Variants in IMPG1 observed in about 807,000 individuals in gnomAD.
IMPG1 encodes the protein interphotoreceptor matrix proteoglycan 1.
A neutral mutation model predicts 92.0 loss-of-function variants in IMPG1; 85 were observed. The observed-to-expected ratio is 0.92, with a 90% CI of 0.78 to 1.11. The LOEUF (loss-of-function observed/expected upper bound fraction) is 1.11. Ranked by LOEUF, IMPG1 falls within the 50% of genes least tolerant of loss-of-function variation. IMPG1 has a pLI of 0.00. For synonymous variants in IMPG1, 367 were observed against 334.1 expected (o/e 1.10, Z -1.08); for missense variants, 1,022 against 956.0 (o/e 1.07, Z -0.91).
At chr6:76,060,132 G>A (rs749800647) in intron 1 of IMPG1, among the ~76,000 whole-genome samples, 1 of 152,164 alleles carries the variant, frequency 6.6e-6, no homozygotes, top group Non-Finnish European at 1.5e-5. Flanking sequence ...GCTGGCTATG[G>A]TGAAGAGAAT....
At chr6:75,952,855 T>C (rs1361628817) in intron 12 of IMPG1, among the ~76,000 whole-genome samples, 2 of 152,184 alleles carry the variant, frequency 1.3e-5, no homozygotes, top group Admixed American at 1.3e-4. Flanking sequence ...GGAGAGCCCT[T>C]GTCAGGAATA....
chr6:76,060,434 A>G (rs1021441705), intron 1 of IMPG1, among the ~76,000 whole-genome samples: 1 of 152,148 alleles, frequency 6.6e-6, no homozygotes, highest in Non-Finnish European at 1.5e-5. Flanking sequence ...ATTTCCATAT[A>G]TGAATTCTCA....
chr6:75,987,263 G>A (rs887891414), intron 12 of IMPG1, among the ~76,000 whole-genome samples: 1 of 151,204 alleles, frequency 6.6e-6, no homozygotes, highest in Non-Finnish European at 1.5e-5. Context: ...TGCCCAGGAA[G>A]ATGGGAAGGA....
chr6:75,999,660 T>G (rs76756113), intron 12 of IMPG1, among the ~76,000 whole-genome samples: 1 of 152,218 alleles, frequency 6.6e-6, no homozygotes, highest in African/African-American at 2.4e-5. Flanking sequence ...CATTAAGATA[T>G]GTCATTTCTA....
At chr6:76,007,572 A>G (rs1783119470) in intron 8 of IMPG1, 72 bp from the exon 9 acceptor site, 7 of 1,048,750 alleles carry the variant, frequency 6.7e-6, no homozygotes, top group Non-Finnish European at 9.9e-6. Context: ...GAGACATTCA[A>G]TGAATTATTT....
chr6:75,965,717 C>T (rs938820231), intron 12 of IMPG1, among the ~76,000 whole-genome samples: 3 of 150,452 alleles, frequency 2.0e-5, no homozygotes, highest in Non-Finnish European at 2.9e-5. Context: ...ACGCCATTCT[C>T]CTGCCTCAGC....
At chr6:76,055,126 C>T (rs1784099692) in intron 1 of IMPG1, among the ~76,000 whole-genome samples, 1 of 151,892 alleles carries the variant, frequency 6.6e-6, no homozygotes, top group Admixed American at 6.6e-5. Flanking sequence ...GCCTTCTTTT[C>T]AAGCAGAGGG....
chr6:76,046,108 CCTTTA>C (rs1461873705), intron 1 of IMPG1, among the ~76,000 whole-genome samples: 12 of 151,994 alleles, frequency 7.9e-5, no homozygotes, highest in African/African-American at 2.9e-4. Flanking sequence ...AAAATAACCA[CCTTTA>C]CTTTAAGTTG....
intron 14 of IMPG1, among the ~76,000 whole-genome samples, chr6:75,946,747 A>C (rs1225853017): frequency 6.6e-6 from 1 of 152,200 alleles, no homozygotes; most frequent in African/African-American, 2.4e-5. Context: ...TCTGTAGTAT[A>C]CAACCAAAAA....
intron 2 of IMPG1, among the ~76,000 whole-genome samples, chr6:76,040,157 A>C (rs1217806682): frequency 6.6e-6 from 1 of 152,218 alleles, no homozygotes; most frequent in African/African-American, 2.4e-5. Context: ...AAGATAATGG[A>C]CTGTCATTGC....
intron 8 of IMPG1, among the ~76,000 whole-genome samples, chr6:76,010,816 G>A (rs1162819851): frequency 2.6e-5 from 4 of 152,162 alleles, no homozygotes; most frequent in African/African-American, 9.7e-5. Context: ...TGGTTAAAAA[G>A]GTAGGCAATT....
At chr6:75,970,750 A>G (rs1047574263) in intron 12 of IMPG1, among the ~76,000 whole-genome samples, 2 of 152,210 alleles carry the variant, frequency 1.3e-5, no homozygotes, top group African/African-American at 4.8e-5. Context: ...AGTATGATCA[A>G]AGTTCAATTC....
At chr6:76,070,827 G>A (rs1212911767) in intron 1 of IMPG1, among the ~76,000 whole-genome samples, 1 of 152,016 alleles carries the variant, frequency 6.6e-6, no homozygotes, top group Non-Finnish European at 1.5e-5. Context: ...AGATGAGAGA[G>A]TGGAAGGGGA....
chr6:75,990,042 A>G (rs1018630425), intron 12 of IMPG1, among the ~76,000 whole-genome samples: 6 of 152,234 alleles, frequency 3.9e-5, no homozygotes, highest in Non-Finnish European at 8.8e-5. Context: ...CAATAAACAT[A>G]TGGTCATTCA....
At chr6:75,960,687 T>A (rs1377089725) in intron 12 of IMPG1, among the ~76,000 whole-genome samples, 1 of 152,244 alleles carries the variant, frequency 6.6e-6, no homozygotes, top group Non-Finnish European at 1.5e-5. Context: ...TTTTAAATAA[T>A]CATGTTTTCA....
At chr6:75,996,232 A>G (rs1312567261) in intron 12 of IMPG1, among the ~76,000 whole-genome samples, 2 of 152,162 alleles carry the variant, frequency 1.3e-5, no homozygotes, top group Non-Finnish European at 2.9e-5. Flanking sequence ...CAGAGAATGG[A>G]CTTACATGAT....
chr6:76,018,348 TA>T (rs1383355328), intron 7 of IMPG1, among the ~76,000 whole-genome samples: 1 of 152,234 alleles, frequency 6.6e-6, no homozygotes, highest in Non-Finnish European at 1.5e-5. Context: ...TGAGACGAAG[TA>T]AGGTAAATGG....
At chr6:76,008,236 T>C (rs1251606158) in intron 8 of IMPG1, among the ~76,000 whole-genome samples, 2 of 152,210 alleles carry the variant, frequency 1.3e-5, no homozygotes, top group African/African-American at 4.8e-5. Flanking sequence ...ACCTCAAGCC[T>C]GGCTCATTTT....
At chr6:76,040,686 C>T (rs184223977) in intron 2 of IMPG1, among the ~76,000 whole-genome samples, 1 of 152,280 alleles carries the variant, frequency 6.6e-6, no homozygotes, top group Admixed American at 6.5e-5. Flanking sequence ...ATGGGTGTGG[C>T]TTCTTTCAGA....
Sources: allele counts gnomAD v4.1 joint callset (sites outside exome capture counted in the v4.1 genomes callset), GRCh38; gene constraint gnomAD v4.1.1; transcripts MANE v1.5; gene names NCBI Gene and HGNC (gene_info 2026-07-23, HGNC 2026-07-21).